Variants in SZT2 observed in about 807,000 individuals in gnomAD.
SZT2 encodes the protein KICSTOR complex protein SZT2.
A neutral mutation model predicts 404.2 loss-of-function variants in SZT2; 216 were observed. The ratio of observed to expected loss-of-function variants is 0.53; its 90% CI spans 0.48 to 0.60. The LOEUF (loss-of-function observed/expected upper bound fraction) is 0.60. Ranked by LOEUF, SZT2 falls within the 20% of genes least tolerant of loss-of-function variation. The probability of loss-of-function intolerance (pLI) is 0.00; values close to 1 mark genes in which losing one functional copy is unlikely to be tolerated. For synonymous variants in SZT2, 1,693 were observed against 1,749.9 expected (o/e 0.97, Z 0.81); for missense variants, 3,857 against 4,459.2 (o/e 0.86, Z 3.85).
chr1:43,442,710 C>A lies in SZT2; in HGVS notation c.8151+92C>A. The A allele has an allele frequency of 6.5e-7, 1 of 1,535,422 alleles. No individual in the cohort carries two copies. The highest frequency in any genetic ancestry group is 1.4e-5 in the African/African-American group (1 of 73,032). ...TCAGAAGCCAGAAAGATGGGACAGA[C>A]TGAGGGCAGAGGTAGTGGGGAGGGA... On this transcript the variant is annotated intron_variant, in intron 58 of 71. Coordinates refer to ENST00000634258, the MANE Select transcript of SZT2 (RefSeq NM_001365999.1). The surrounding 1 kb of genome is among the most constrained non-coding windows in gnomAD (Gnocchi z 4.5).
At chr1:43,430,255 T>C in intron 30 of SZT2, 56 bp from the exon 31 acceptor site, 1 of 1,599,282 alleles carries the variant, frequency 6.3e-7, no homozygotes, top group South Asian at 1.1e-5. Flanking sequence ...CCCACTTGCC[T>C]AGGATGAGGC....
chr1:43,400,632 A>G (rs1649566301), intron 1 of SZT2, among the ~76,000 whole-genome samples: 1 of 152,190 alleles, frequency 6.6e-6, no homozygotes, highest in Admixed American at 6.5e-5. Context: ...AGCACCTCGG[A>G]AGGCCAAGGC....
Position 43,424,681 on chromosome 1 carries a change from C to T in SZT2, c.2472-103C>T, listed in dbSNP as rs1652927286. On this transcript the variant is annotated intron_variant, in intron 16 of 71. Transcript: ENST00000634258. This position sits in a 1 kb window ranked among gnomAD's most constrained non-coding sequence, Gnocchi z 4.1. The stretch of plus-strand genomic sequence containing the variant: ...AGCAGGGCCAGCAGCAGACTTGGCT[C>T]CTTGAGGACTGCTGGGAGGTGGGTG... The T allele has an allele frequency of 1.9e-6, 2 of 1,046,940 alleles. No individual in the cohort carries two copies. The highest frequency in any genetic ancestry group is 2.9e-6 in the Non-Finnish European group (2 of 694,240). The allele number at this position is 1,046,940 out of a possible 1,614,324, so 64.9% of individuals were successfully genotyped here.
Position 43,439,841 on chromosome 1 carries a change from G to T in SZT2, c.7043-40G>T. On this transcript the variant is annotated intron_variant, in intron 50 of 71. Coordinates refer to ENST00000634258, the MANE Select transcript of SZT2 (RefSeq NM_001365999.1). This position sits in a 1 kb window ranked among gnomAD's most constrained non-coding sequence, Gnocchi z 4.2. ...GAGGTAAGGGTGGTGAGTAGAGTGG[G>T]ATCTAGGGACACCCTCAAGTGTCCC... 1 of 1,569,600 alleles carries T rather than the reference G, an allele frequency of 6.4e-7. No individual in the cohort carries two copies. The highest frequency in any genetic ancestry group is 8.6e-7 in the Non-Finnish European group (1 of 1,157,042).
Position 43,453,890 on chromosome 1 carries a change from C to G in SZT2, c.*3410C>G. The G allele has an allele frequency of 8.2e-7, 1 of 1,223,320 alleles. No homozygotes were observed. The highest frequency in any genetic ancestry group is 1.0e-6 in the Non-Finnish European group (1 of 984,096). The allele number at this position is 1,223,320 out of a possible 1,614,324, so 75.8% of individuals were successfully genotyped here. ...CGGGGGCGGGGCTCTCCTTGCTGGCCCTGCGAACGAACGAGCACTGTTCGT... is the reference window on the plus strand; with the variant it reads ...CGGGGGCGGGGCTCTCCTTGCTGGCGCTGCGAACGAACGAGCACTGTTCGT... On this transcript the variant is annotated 3_prime_UTR_variant, in exon 72 of 72. Transcript: ENST00000634258.
In SZT2 at chr1:43,448,822, C is replaced by G; in HGVS notation, c.10086+94C>G. The G allele has an allele frequency of 8.3e-7, 1 of 1,205,678 alleles. No individual in the cohort carries two copies. The highest frequency in any genetic ancestry group is 1.2e-6 in the Non-Finnish European group (1 of 812,396). 74.7% of individuals were successfully genotyped at this position (1,205,678 alleles called of 1,614,324 possible). On this transcript the variant is annotated intron_variant, in intron 70 of 71. Coordinates refer to ENST00000634258, the MANE Select transcript of SZT2 (RefSeq NM_001365999.1). The surrounding 1 kb of genome is among the most constrained non-coding windows in gnomAD (Gnocchi z 4.2). ...TCAGCCTGACCAAACAAGCTCTGCT[C>G]TGGAGGGAGGCCTAGACAGAACGGG... is the stretch of plus-strand genomic sequence containing the variant.
In SZT2 at chr1:43,426,004, C is replaced by G. The variant is rs753924295; in HGVS notation, c.2930-34C>G. The G allele has an allele frequency of 1.2e-6, 2 of 1,612,556 alleles. No homozygotes were observed. The highest frequency in any genetic ancestry group is 2.2e-5 in the East Asian group (1 of 44,848). On this transcript the variant is annotated intron_variant, in intron 20 of 71. Transcript: ENST00000634258. The surrounding 1 kb of genome is among the most constrained non-coding windows in gnomAD (Gnocchi z 4.9). ...GCAGGGGAGTGGGTAGGGTAATCTGCGTCTCACTGTGTCCTGTCCTTCCTC... is the reference window on the plus strand; with the variant it reads ...GCAGGGGAGTGGGTAGGGTAATCTGGGTCTCACTGTGTCCTGTCCTTCCTC...
chr1:43,440,083 A>C, intron 51 of SZT2, 35 bp downstream of exon 51: 3 of 1,612,818 alleles, frequency 1.9e-6, no homozygotes, highest in Non-Finnish European at 2.5e-6. Flanking sequence ...GGTCCAGAGA[A>C]TGTCACAGAT....
In SZT2 at chr1:43,420,136, C is replaced by G; in HGVS notation, c.1091-17C>G. ...AGATAACCAGTTTCTCCTTCCCCATCTCCACTGGTCTTCCAGGCTCTCAGC... is the reference window on the plus strand; with the variant it reads ...AGATAACCAGTTTCTCCTTCCCCATGTCCACTGGTCTTCCAGGCTCTCAGC... On this transcript the variant is annotated splice_polypyrimidine_tract_variant and intron_variant, in intron 8 of 71. Coordinates refer to ENST00000634258, the MANE Select transcript of SZT2 (RefSeq NM_001365999.1). The surrounding 1 kb of genome is among the most constrained non-coding windows in gnomAD (Gnocchi z 5.1). 6.3e-7 allele frequency: 1 copy of G among 1,597,358 alleles called. No homozygotes were observed. The highest frequency in any genetic ancestry group is 1.3e-5 in the African/African-American group (1 of 75,046).
At chr1:43,434,265 C>T in intron 40 of SZT2, 121 bp from the exon 41 acceptor site, 1 of 827,530 alleles carries the variant, frequency 1.2e-6, no homozygotes, top group East Asian at 2.9e-5. Context: ...CTTGGCCCCA[C>T]CTCCATGACT....
chr1:43,427,762 CCTCGCCGGGCCATGG>C, intron 26 of SZT2, 28 bp downstream of exon 26: 1 of 1,607,466 alleles, frequency 6.2e-7, no homozygotes, highest in Non-Finnish European at 8.5e-7. Context: ...TGACCTAAGT[CCTCGCCGGGCCATGG>C]CTCCCAGCCA....
rs149950330 is a variant in SZT2 at position 43,431,443 on chromosome 1, A to G, written c.5025-17A>G. ...TCATTTTCTGGAAACCAATATCTAA[A>G]CCTTTCTTCCAATTAGGCACCCAGG... On this transcript the variant is annotated splice_polypyrimidine_tract_variant and intron_variant, in intron 34 of 71. Coordinates refer to ENST00000634258, the MANE Select transcript of SZT2 (RefSeq NM_001365999.1). 1,925 of 1,613,846 alleles carry G rather than the reference A, an allele frequency of 1.2e-3. 24 individuals carry two copies. The African/African-American group carries it at 0.023, about 19-fold the overall frequency.
intron 67 of SZT2, 65 bp from the exon 68 acceptor site, chr1:43,447,784 G>C (rs1383678066): frequency 7.4e-6 from 12 of 1,610,966 alleles, no homozygotes; most frequent in Non-Finnish European, 1.0e-5. Context: ...TGTTTTCTTG[G>C]GCAGGGGTGA....
intron 4 of SZT2, chr1:43,410,190 CTG>C (rs1289790375): frequency 6.6e-6 from 1 of 152,182 alleles, no homozygotes; most frequent in Non-Finnish European, 1.5e-5. Flanking sequence ...TCTGGGAAGA[CTG>C]GATATTCATA....
In SZT2 at chr1:43,448,171, C is replaced by G; in HGVS notation, c.9656C>G (p.Pro3219Arg). Residue 3219 changes from proline to arginine, a missense_variant, in exon 69 of 72, where the codon CCC becomes CGC. Coordinates refer to ENST00000634258, the MANE Select transcript of SZT2 (RefSeq NM_001365999.1). The surrounding 1 kb of genome is among the most constrained non-coding windows in gnomAD (Gnocchi z 4.2). ...CGCTTCCGGAAGCCACCCAGACTGC[C>G]CCCTGAGCCAGAGGCTCCTGGGAGT... Reference protein sequence around the residue: ...MRRFRKPPRLPPEPEAPGSSA... With the variant: ...MRRFRKPPRLRPEPEAPGSSA... 1 of 1,612,042 alleles carries G rather than the reference C, an allele frequency of 6.2e-7. No homozygotes were observed. The highest frequency in any genetic ancestry group is 8.5e-7 in the Non-Finnish European group (1 of 1,178,746).
chr1:43,432,912 A>C, intron 39 of SZT2, 77 bp from the exon 40 acceptor site: 1 of 1,583,720 alleles, frequency 6.3e-7, no homozygotes, highest in Non-Finnish European at 8.7e-7. Flanking sequence ...GAAGTGCATC[A>C]AGCCAGATGC....
chr1:43,438,217 C>T, intron 46 of SZT2: 1 of 380,174 alleles, frequency 2.6e-6, no homozygotes. Flanking sequence ...TTGACTGAGG[C>T]ACAGCTTGGG....
chr1:43,432,492 T>A (rs368710824), intron 37 of SZT2, 25 bp from the exon 38 acceptor site: 10 of 1,585,842 alleles, frequency 6.3e-6, no homozygotes, highest in Non-Finnish European at 6.8e-6. Flanking sequence ...GGCCTATACC[T>A]CAGTCCTGAC....
rs746224820 is a variant in SZT2 at position 43,441,429 on chromosome 1, A to G, written c.7511+49A>G. On this transcript the variant is annotated intron_variant, in intron 53 of 71. Coordinates refer to ENST00000634258, the MANE Select transcript of SZT2 (RefSeq NM_001365999.1). The surrounding 1 kb of genome is among the most constrained non-coding windows in gnomAD (Gnocchi z 4.8). The stretch of plus-strand genomic sequence containing the variant: ...CCTGGGAGGGTATGGGTGTGAAGTC[A>G]CAGATGGGCCTTGGTCTGTATAAAC... The G allele has an allele frequency of 1.9e-6, 3 of 1,610,268 alleles. No individual in the cohort carries two copies. Among genetic ancestry groups the G allele is most frequent in the Non-Finnish European group, 2.5e-6 (3 of 1,177,614 alleles).
Sources: gnomAD v4.1 joint callset for allele counts (sites outside exome capture counted in the v4.1 genomes callset) on GRCh38, gnomAD v4.1.1 for gene constraint, Gnocchi (gnomAD v3.1) non-coding constraint, MANE v1.5 for transcripts, NCBI Gene and HGNC (gene_info 2026-07-23, HGNC 2026-07-21) for gene names.